The following CRAMP1 variants were observed in gnomAD, a reference collection of about 807,000 sequenced individuals.
CRAMP1 encodes protein cramped-like.
Under a neutral mutation model 115.4 loss-of-function variants are expected in CRAMP1, and 50 were observed. The observed-to-expected ratio is 0.43, with a 90% CI of 0.35 to 0.55. The LOEUF (loss-of-function observed/expected upper bound fraction) is 0.55, where lower values mean the gene tolerates loss of function less well. Ranked by LOEUF, CRAMP1 falls within the 20% of genes least tolerant of loss-of-function variation. The probability of loss-of-function intolerance (pLI) is 0.01; values close to 1 mark genes in which losing one functional copy is unlikely to be tolerated. For missense variants in CRAMP1, 1,679 were observed against 1,721.7 expected, an observed-to-expected ratio of 0.98 and a Z score of 0.44; for synonymous variants, 866 against 745.4, an observed-to-expected ratio of 1.16 and a Z score of -2.64.
At position 1,653,062 on chromosome 16, in the gene CRAMP1, G is replaced by A; in HGVS notation, c.943G>A (p.Val315Met). Residue 315 changes from valine to methionine, a missense_variant, in exon 8 of 21, where the codon GTG becomes ATG. Physicochemically the swap from Val to Met is conservative, Grantham distance 21 (BLOSUM62 1). This residue lies in a region of CRAMP1 where 191 missense variants were observed against 236.2 expected (regional missense o/e 0.81). Coordinates refer to ENST00000397412, the MANE Select transcript of CRAMP1 (RefSeq NM_020825.4). ...GAGTGATGAAGAGGACCAGAAGCCA[G>A]TGCGCCTGCCTCTGAAAGTCCCTAT... is the stretch of plus-strand genomic sequence containing the variant. ...GLSDEEDQKPVRLPLKVPIEL... is the reference protein window; with the variant it reads ...GLSDEEDQKPMRLPLKVPIEL... 1 of 1,611,834 alleles carries A rather than the reference G, an allele frequency of 6.2e-7. No individual in the cohort carries two copies. The highest frequency in any genetic ancestry group is 8.5e-7 in the Non-Finnish European group (1 of 1,179,158).
chr16:1,659,823 G>C, intron 10 of CRAMP1, 63 bp from the exon 11 acceptor site: 1 of 1,468,866 alleles, frequency 6.8e-7, no homozygotes, highest in Non-Finnish European at 9.5e-7. Context: ...CCTACTCCAG[G>C]GCACGCAAGA....
At position 1,656,258 on chromosome 16, in the gene CRAMP1, C is replaced by T; in HGVS notation, c.1501C>T (p.Leu501=). Reference sequence around the variant, plus strand: ...AAGCGCCCCCGGGGAGGGGGCTGCCCTAAGCTTGAGCAGCCCGGACGCTCC... The same window carrying T: ...AAGCGCCCCCGGGGAGGGGGCTGCCTTAAGCTTGAGCAGCCCGGACGCTCC... ...PESAPGEGAA[L]SLSSPDAPDR... Residue 501 remains leucine, a synonymous_variant, in exon 10 of 21, where the codon CTA becomes TTA. Transcript: ENST00000397412. The surrounding 1 kb of genome is among the most constrained non-coding windows in gnomAD (Gnocchi z 5.6). 1.2e-6 allele frequency: 2 copies of T among 1,611,176 alleles called. No homozygotes were observed. Among genetic ancestry groups the T allele is most frequent in the Non-Finnish European group, 1.7e-6 (2 of 1,179,708 alleles).
At chr16:1,631,949 C>T (rs549964606) in intron 3 of CRAMP1, among the ~76,000 whole-genome samples, 2 of 152,318 alleles carry the variant, frequency 1.3e-5, no homozygotes, top group South Asian at 2.1e-4. Context: ...TATGTTTCTC[C>T]TGTCTGGGGT....
rs1167632119 is a variant in CRAMP1, at chr16:1,669,231, C to T, written c.3499+66C>T. The T allele has an allele frequency of 3.1e-6, 4 of 1,278,586 alleles. No individual in the cohort carries two copies. Among genetic ancestry groups the T allele is most frequent in the Non-Finnish European group, 1.1e-6 (1 of 942,872 alleles). The allele number at this position is 1,278,586 out of a possible 1,614,324, so 79.2% of individuals were successfully genotyped here. A position where few individuals can be genotyped will look rare whatever the true frequency, so the allele number is the denominator to read the frequency against. ...AGCAGGGGCTGGGGTCTGCGGGACA[C>T]TGGATTCTCATTCTACTCAAACTCC... On this transcript the variant is annotated intron_variant, in intron 19 of 20. Transcript: ENST00000397412. This position sits in a 1 kb window ranked among gnomAD's most constrained non-coding sequence, Gnocchi z 4.6.
chr16:1,668,051 C>T lies in CRAMP1; in HGVS notation c.3192C>T (p.Ser1064=), dbSNP rs766918124. Residue 1064 remains serine (S), a synonymous_variant, in exon 18 of 21, where the codon AGC becomes AGT. Transcript: ENST00000397412. ...CGCTGTCCTCGTCAGAGAGCTCCAG[C>T]ACCCGGCTGTCTCCACCAGACGTCT... ...SIPLSSSESS[S]TRLSPPDVSA... 3 of 1,613,918 alleles carry T rather than the reference C, an allele frequency of 1.9e-6. No homozygotes were observed. The highest frequency in any genetic ancestry group is 2.5e-6 in the Non-Finnish European group (3 of 1,179,844).
rs2036680572 is a variant in CRAMP1 at position 1,646,986 on chromosome 16, T to C, written c.828-5510T>C. ...TGGTTCCATTCTGGACCTTCTGTTC[T>C]GTCAACTTTTGTGACCGTTCTTTGA... On this transcript the variant is annotated intron_variant, in intron 6 of 20. Transcript: ENST00000397412. 7.1e-6 allele frequency: 5 copies of C among 702,138 alleles called. No homozygotes were observed. The South Asian group carries it at 7.4e-5, about 10-fold the overall frequency. The allele number at this position is 702,138 out of a possible 1,614,324, so 43.5% of individuals were successfully genotyped here.
Position 1,614,959 on chromosome 16 carries a change from C to T in CRAMP1, c.320C>T (p.Ala107Val). The T allele has an allele frequency of 7.9e-7, 1 of 1,259,892 alleles. No homozygotes were observed. Among genetic ancestry groups the T allele is most frequent in the South Asian group, 3.5e-5 (1 of 28,584 alleles). 78.0% of individuals were successfully genotyped at this position (1,259,892 alleles called of 1,614,324 possible). Residue 107 changes from alanine to valine, a missense_variant, in exon 2 of 21, where the codon GCC becomes GTC. Around this residue, in one of 8 missense-constraint regions of CRAMP1, gnomAD observed 264 missense variants for 229.7 expected, o/e 1.15. Transcript: ENST00000397412. The surrounding 1 kb of genome is among the most constrained non-coding windows in gnomAD (Gnocchi z 4.4). ...CCGAGCGCTGTGGGGAGCGGCAACG[C>T]CGGTGGCTCGGGGCCCCGCGGAAAA... ...DPPSAVGSGN[A>V]GGSGPRGKGA...
At chr16:1,612,809 C>G (rs1412635953) in intron 1 of CRAMP1, among the ~76,000 whole-genome samples, 152 bp downstream of exon 1, 1 of 152,132 alleles carries the variant, frequency 6.6e-6, no homozygotes, top group Non-Finnish European at 1.5e-5. Context: ...GCGTCCCCAT[C>G]CCGAGACGCG....
chr16:1,666,367 A>G lies in CRAMP1; in HGVS notation c.2858-55A>G. 1 of 1,538,626 alleles carries G rather than the reference A, an allele frequency of 6.5e-7. No homozygotes were observed. The highest frequency in any genetic ancestry group is 8.9e-7 in the Non-Finnish European group (1 of 1,128,376). The stretch of plus-strand genomic sequence containing the variant: ...AAGCTGTTCCCCGAGCCCTCTTGGG[A>G]CATCTTATGGGTTGTCAGTAGAGCA... On this transcript the variant is annotated intron_variant, in intron 15 of 20. Transcript: ENST00000397412. This position sits in a 1 kb window ranked among gnomAD's most constrained non-coding sequence, Gnocchi z 5.0.
chr16:1,661,593 A>ATT (rs1307504814), intron 11 of CRAMP1, among the ~76,000 whole-genome samples: 11 of 127,670 alleles, frequency 8.6e-5, no homozygotes, highest in African/African-American at 2.8e-4. Flanking sequence ...CTATGAAAGA[A>ATT]TTTTTTTTTT....
In CRAMP1 at chr16:1,614,888, C is replaced by T; in HGVS notation, c.249C>T (p.Leu83=). The part of the protein sequence containing the change: ...QGSPQDQHHF[L]RSSVRPQSKR... ...GCCCCCAGGACCAGCACCACTTCCT[C>T]CGGTCCAGCGTGCGGCCGCAGAGCA... is the stretch of plus-strand genomic sequence containing the variant. The change falls in exon 2 of 21, where the codon CTC becomes CTT. Residue 83 remains leucine (L), a synonymous_variant. Transcript: ENST00000397412. The surrounding 1 kb of genome is among the most constrained non-coding windows in gnomAD (Gnocchi z 4.4). The T allele has an allele frequency of 7.5e-7, 1 of 1,331,122 alleles. No individual in the cohort carries two copies. The highest frequency in any genetic ancestry group is 9.6e-7 in the Non-Finnish European group (1 of 1,039,020). 82.5% of individuals were successfully genotyped at this position (1,331,122 alleles called of 1,614,324 possible).
In CRAMP1 at chr16:1,670,892, T is replaced by C. The variant is rs796227654; in HGVS notation, c.3645+83T>C. 12 of 1,350,520 alleles carry C rather than the reference T, an allele frequency of 8.9e-6. No homozygotes were observed. In the African/African-American group the frequency reaches 1.8e-4, roughly 20 times the overall value. 83.7% of individuals were successfully genotyped at this position (1,350,520 alleles called of 1,614,324 possible). On this transcript the variant is annotated intron_variant, in intron 20 of 20. Transcript: ENST00000397412. Reference sequence around the variant, plus strand: ...CAGCACTCTCCTGCACACCTGTGGGTTAGTAAGAGCTGTTTGCCAAGAGTA... The same window carrying C: ...CAGCACTCTCCTGCACACCTGTGGGCTAGTAAGAGCTGTTTGCCAAGAGTA...
chr16:1,626,558 T>C (rs6600159), intron 3 of CRAMP1, among the ~76,000 whole-genome samples: 49,780 of 151,834 alleles, frequency 0.33, 10,977 homozygotes, highest in African/African-American at 0.61. Flanking sequence ...GCGGTGCTTG[T>C]CTCGGGGGTC....
Position 1,646,255 on chromosome 16 carries a change from G to A in CRAMP1, c.827+5068G>A, listed in dbSNP as rs116509061. ...TTTGCCTCCAGGTTTTTGTGTGAGC[G>A]TGGTTTTCGGTCCCCAGGAGGAGGA... On this transcript the variant is annotated intron_variant, in intron 6 of 20. Transcript: ENST00000397412. 5.4e-3 allele frequency among the ~76,000 whole-genome samples: 820 copies of A among 152,310 alleles called. 10 individuals are homozygous for A. Among genetic ancestry groups the A allele is most frequent in the African/African-American group, 0.019 (779 of 41,548 alleles).
intron 14 of CRAMP1, 176 bp from the exon 15 acceptor site, chr16:1,665,897 G>C: frequency 1.7e-6 from 1 of 596,588 alleles, no homozygotes; most frequent in Non-Finnish European, 3.0e-6. Flanking sequence ...TCACGTTGGG[G>C]GCCTGTGTGA....
At chr16:1,650,490 A>G (rs1294957461) in intron 6 of CRAMP1, among the ~76,000 whole-genome samples, 1 of 152,234 alleles carries the variant, frequency 6.6e-6, no homozygotes, top group African/African-American at 2.4e-5. Flanking sequence ...ATTTTCAAAC[A>G]ATACACAGAT....
chr16:1,655,442 C>T, intron 9 of CRAMP1, 142 bp downstream of exon 9: 4 of 729,782 alleles, frequency 5.5e-6, no homozygotes, highest in Non-Finnish European at 7.3e-6. Flanking sequence ...CATCTGGAAC[C>T]ATAACCTGGA....
At chr16:1,653,937 T>C (rs1438613586) in intron 8 of CRAMP1, among the ~76,000 whole-genome samples, 1 of 151,754 alleles carries the variant, frequency 6.6e-6, no homozygotes, top group Non-Finnish European at 1.5e-5. Flanking sequence ...GTTAGGAGTT[T>C]GAGACCAGCC....
intron 16 of CRAMP1, 135 bp from the exon 17 acceptor site, chr16:1,667,200 G>A (rs2036883239): frequency 1.5e-6 from 1 of 680,242 alleles, no homozygotes; most frequent in South Asian, 1.6e-5. Flanking sequence ...TTAGACCCCT[G>A]TCCATTTACT....
Sources: gnomAD v4.1 joint callset for allele counts (sites outside exome capture counted in the v4.1 genomes callset) on GRCh38, gnomAD v4.1.1 for gene constraint, gnomAD v4.1.1 regional missense constraint, Gnocchi (gnomAD v3.1) non-coding constraint, MANE v1.5 for transcripts, NCBI Gene and HGNC (gene_info 2026-07-23, HGNC 2026-07-21) for gene names.